ABCC1: variants seen among roughly 807,000 people sequenced by gnomAD.
ABCC1 encodes the protein ATP binding cassette subfamily C member 1 (ABCC1 blood group), also known as multidrug resistance-associated protein 1.
ABCC1 carries 83 observed loss-of-function variants against 172.9 expected under a neutral mutation model. That is an observed-to-expected ratio of 0.48 (90% CI 0.40 to 0.58). ABCC1 has a LOEUF of 0.58. Among genes scored for constraint, ABCC1 ranks in the 20% least tolerant of loss-of-function variants. The pLI is 0.00. For missense variants in ABCC1, 1,817 were observed against 2,002.7 expected, an observed-to-expected ratio of 0.91 and a Z score of 1.77; for synonymous variants, 937 against 825.2, an observed-to-expected ratio of 1.14 and a Z score of -2.32.
chr16:15,973,966 C>A (rs1055820869), intron 1 of ABCC1, among the ~76,000 whole-genome samples: 2 of 152,022 alleles, frequency 1.3e-5, no homozygotes, highest in African/African-American at 4.8e-5. Context: ...GCTTGGGTGA[C>A]AGAGTGAGAC....
At chr16:16,086,598 C>T (rs981178297) in intron 17 of ABCC1, among the ~76,000 whole-genome samples, 6 of 151,958 alleles carry the variant, frequency 3.9e-5, no homozygotes, top group South Asian at 2.1e-4. Flanking sequence ...GAACTACAGG[C>T]GCACATCAGC....
intron 21 of ABCC1, among the ~76,000 whole-genome samples, chr16:16,109,877 C>G (rs1276472740): frequency 6.6e-6 from 1 of 152,162 alleles, no homozygotes; most frequent in African/African-American, 2.4e-5. Flanking sequence ...TGCTTTCTGT[C>G]AGTCTTGGCT....
intron 1 of ABCC1, among the ~76,000 whole-genome samples, chr16:15,990,283 G>T (rs986372209): frequency 6.6e-6 from 1 of 152,178 alleles, no homozygotes; most frequent in African/African-American, 2.4e-5. Context: ...CTGACTTCAA[G>T]TGATCCACCC....
At chr16:15,986,028 A>G (rs215080) in intron 1 of ABCC1, among the ~76,000 whole-genome samples, 9,350 of 150,742 alleles carry the variant, frequency 0.062, 312 homozygotes, top group Middle Eastern at 0.12. Flanking sequence ...TCTGCCTCCC[A>G]GGTTCAAGTG....
At chr16:16,123,238 A>G (rs1456637621) in intron 24 of ABCC1, among the ~76,000 whole-genome samples, 1 of 152,124 alleles carries the variant, frequency 6.6e-6, no homozygotes, top group Non-Finnish European at 1.5e-5. Flanking sequence ...AAGGGCTGCA[A>G]TGGAGAAAAG....
At chr16:16,069,119 G>A (rs901044969) in intron 13 of ABCC1, among the ~76,000 whole-genome samples, 24 of 148,300 alleles carry the variant, frequency 1.6e-4, no homozygotes, top group African/African-American at 5.5e-4. Flanking sequence ...ACTAGCCTGG[G>A]CAATATGGTA....
chr16:15,949,825 C>A, intron 1 of ABCC1, 26 bp downstream of exon 1: 1 of 1,192,488 alleles, frequency 8.4e-7, no homozygotes, highest in Non-Finnish European at 1.0e-6. Context: ...CGCGTGAGGC[C>A]GGCGGGACGG....
chr16:16,081,833 A>G (rs1048853240), intron 16 of ABCC1, among the ~76,000 whole-genome samples: 1 of 152,092 alleles, frequency 6.6e-6, no homozygotes, highest in African/African-American at 2.4e-5. Flanking sequence ...CAGCCTGACC[A>G]GCATGGCGAA....
At chr16:16,033,002 C>G in intron 5 of ABCC1, 107 bp from the exon 6 acceptor site, 1 of 1,108,102 alleles carries the variant, frequency 9.0e-7, no homozygotes, top group Non-Finnish European at 1.4e-6. Flanking sequence ...CGCTAGTCCT[C>G]TGGAAGGAAG....
At chr16:16,052,850 G>A in intron 11 of ABCC1, 34 bp downstream of exon 11, 1 of 1,607,190 alleles carries the variant, frequency 6.2e-7, no homozygotes, top group South Asian at 1.1e-5. Flanking sequence ...CCCCAAGCCG[G>A]GCCCTAGGCA....
rs774686961 is a variant in ABCC1 at position 16,044,463 on chromosome 16, G to C, written c.823G>C (p.Val275Leu). 6.2e-7 allele frequency: 1 copy of C among 1,614,100 alleles called. No individual in the cohort carries two copies. Among genetic ancestry groups the C allele is most frequent in the South Asian group, 1.1e-5 (1 of 91,082 alleles). Residue 275 changes from valine to leucine, a missense_variant, in exon 8 of 31, where the codon GTT becomes CTT. Transcript: ENST00000399410. ...CAKTRKQPVK[V>L]VYSSKDPAQP... ...CTTGTGTTCCAGGCAGCCGGTGAAGGTTGTGTACTCCTCCAAGGATCCTGC... is the reference window on the plus strand; with the variant it reads ...CTTGTGTTCCAGGCAGCCGGTGAAGCTTGTGTACTCCTCCAAGGATCCTGC...
chr16:15,984,447 A>G (rs1202304695), intron 1 of ABCC1, among the ~76,000 whole-genome samples: 2 of 38,644 alleles, frequency 5.2e-5, no homozygotes. Context: ...CTTGATATAT[A>G]CTTTTTTTTT....
At chr16:16,135,699 G>T (rs1388221796) in intron 28 of ABCC1, among the ~76,000 whole-genome samples, 2 of 151,964 alleles carry the variant, frequency 1.3e-5, no homozygotes, top group African/African-American at 4.8e-5. Flanking sequence ...CGAGTGATCT[G>T]CCTGCCTCGG....
chr16:16,083,591 G>C (rs182143584), intron 17 of ABCC1, 49 bp downstream of exon 17: 5 of 1,583,454 alleles, frequency 3.2e-6, no homozygotes, highest in African/African-American at 2.7e-5. Context: ...CTGTTGCCGC[G>C]TAACAAATGC....
chr16:16,006,489 G>T (rs1050534709), intron 1 of ABCC1, among the ~76,000 whole-genome samples: 9 of 151,568 alleles, frequency 5.9e-5, no homozygotes, highest in African/African-American at 1.7e-4. Flanking sequence ...TTTATTCTTG[G>T]GCAGGTACAT....
chr16:16,119,583 T>G (rs1475668525), intron 23 of ABCC1, among the ~76,000 whole-genome samples: 1 of 151,854 alleles, frequency 6.6e-6, no homozygotes, highest in Non-Finnish European at 1.5e-5. Context: ...TCCAGCTACT[T>G]AGGAGGCTAA....
rs376281800 is a variant in ABCC1, at chr16:16,056,241, G to A, written c.1623G>A (p.Lys541=). 2 of 1,614,262 alleles carry A rather than the reference G, an allele frequency of 1.2e-6. No individual in the cohort carries two copies. Among genetic ancestry groups the A allele is most frequent in the Non-Finnish European group, 1.7e-6 (2 of 1,180,048 alleles). Residue 541 remains lysine, a synonymous_variant, in exon 12 of 31, where the codon AAG becomes AAA. Transcript: ENST00000399410. ...AGGAGGAGCTGAAGGTGCTGAAGAA[G>A]TCTGCCTACCTGTCAGCCGTGGGCA... ...IRQEELKVLK[K]SAYLSAVGTF...
rs1380701505 is a variant in ABCC1, at chr16:15,949,724, G to A, written c.-28G>A. The A allele has an allele frequency of 3.5e-5, 40 of 1,140,846 alleles. No homozygotes were observed. The highest frequency in any genetic ancestry group is 4.1e-5 in the Non-Finnish European group (38 of 928,802). 70.7% of individuals were successfully genotyped at this position (1,140,846 alleles called of 1,614,324 possible). ...AACCGGGCCCGATCACCCGCCGCCC[G>A]GTGCCCGCCGCCGCCCGCGCCACCG... On this transcript the variant is annotated 5_prime_UTR_variant, in exon 1 of 31. Transcript: ENST00000399410.
At chr16:15,949,930 C>T (rs1052240859) in intron 1 of ABCC1, 131 bp downstream of exon 1, 1 of 742,436 alleles carries the variant, frequency 1.3e-6, no homozygotes, top group Non-Finnish European at 1.7e-6. Context: ...CCGGGACCCT[C>T]ACGTCGCCCG....
Sources: allele counts gnomAD v4.1 joint callset (sites outside exome capture counted in the v4.1 genomes callset), GRCh38; gene constraint gnomAD v4.1.1; transcripts MANE v1.5; gene names NCBI Gene and HGNC (gene_info 2026-07-23, HGNC 2026-07-21).